Variants in ZMAT3 observed in about 807,000 individuals in gnomAD.
The protein encoded by ZMAT3 is zinc finger matrin-type 3, also known as zinc finger matrin-type protein 3.
ZMAT3 carries 17 observed loss-of-function variants against 32.3 expected under a neutral mutation model. The ratio of observed to expected loss-of-function variants is 0.53; its 90% CI spans 0.36 to 0.79. The LOEUF is 0.79. Among genes scored for constraint, ZMAT3 ranks in the 30% least tolerant of loss-of-function variants. ZMAT3 has a pLI of 0.00. For missense variants in ZMAT3, 329 were observed against 359.7 expected (o/e 0.91, Z 0.69); for synonymous variants, 120 against 133.1 (o/e 0.90, Z 0.68).
chr3:179,030,693 G>A (rs1235774284), intron 3 of ZMAT3, among the ~76,000 whole-genome samples, 187 bp downstream of exon 3: 2 of 152,124 alleles, frequency 1.3e-5, no homozygotes, highest in Non-Finnish European at 2.9e-5. Context: ...AAAGACTCAC[G>A]TAACAATAGC....
intron 2 of ZMAT3, among the ~76,000 whole-genome samples, chr3:179,056,651 C>T (rs929996070): frequency 3.9e-5 from 6 of 152,158 alleles, no homozygotes; most frequent in Non-Finnish European, 8.8e-5. Flanking sequence ...CACAGAGCCC[C>T]GGGTATGCTT....
At chr3:179,037,535 G>A (rs761345792) in intron 2 of ZMAT3, among the ~76,000 whole-genome samples, 28 of 152,138 alleles carry the variant, frequency 1.8e-4, no homozygotes, top group Admixed American at 6.5e-4. Flanking sequence ...CTGAGTGGGC[G>A]GAGTGAGCTC....
Position 179,018,779 on chromosome 3 carries a change from C to T in ZMAT3, c.*6238G>A. ...AATTTCAACAACTCATTGTACAGTA[C>T]AATCATTTTTAATTCTGCTAATTAT... On this transcript the variant is annotated 3_prime_UTR_variant, in exon 6 of 6. Transcript: ENST00000311417. 1 of 152,130 alleles carries T rather than the reference C, an allele frequency of 6.6e-6. No individual in the cohort carries two copies. Among genetic ancestry groups the T allele is most frequent in the East Asian group, 1.9e-4 (1 of 5,196 alleles). The allele number at this position is 152,130 out of a possible 1,614,324, so 9.4% of individuals were successfully genotyped here. A position where few individuals can be genotyped will look rare whatever the true frequency, so the allele number is the denominator to read the frequency against.
chr3:179,024,138 G>A lies in ZMAT3; in HGVS notation c.*879C>T, dbSNP rs1282480303. 6.6e-6 allele frequency: 1 copy of A among 152,010 alleles called. No homozygotes were observed. The highest frequency in any genetic ancestry group is 1.5e-5 in the Non-Finnish European group (1 of 68,018). The allele number at this position is 152,010 out of a possible 1,614,324, so 9.4% of individuals were successfully genotyped here. On this transcript the variant is annotated 3_prime_UTR_variant, in exon 6 of 6. Transcript: ENST00000311417. ...TTGTTAGACAAGCTGATTCAACTAGGGGGGAAAAAAGAGGAGGGAAGAAGG... is the reference window on the plus strand; with the variant it reads ...TTGTTAGACAAGCTGATTCAACTAGAGGGGAAAAAAGAGGAGGGAAGAAGG...
intron 2 of ZMAT3, 47 bp from the exon 3 acceptor site, chr3:179,031,046 G>A (rs982278896): frequency 7.1e-6 from 11 of 1,548,190 alleles, no homozygotes; most frequent in Non-Finnish European, 1.7e-6. Context: ...CTTATCTGCA[G>A]TTTCAGCAAT....
At position 179,021,417 on chromosome 3, in the gene ZMAT3, A is replaced by G. The variant is rs1194521034; in HGVS notation, c.*3600T>C. The G allele has an allele frequency of 6.6e-6, 1 of 152,228 alleles. No individual in the cohort carries two copies. The highest frequency in any genetic ancestry group is 1.5e-5 in the Non-Finnish European group (1 of 68,046). 9.4% of individuals were successfully genotyped at this position (152,228 alleles called of 1,614,324 possible). On this transcript the variant is annotated 3_prime_UTR_variant, in exon 6 of 6. Transcript: ENST00000311417. ...TACAACTTCTTACCCTCAATACCTA[A>G]GAAGAATTCTAATTGTCATCTTCTA...
At chr3:179,036,993 A>C (rs2108550393) in intron 2 of ZMAT3, among the ~76,000 whole-genome samples, 1 of 152,278 alleles carries the variant, frequency 6.6e-6, no homozygotes, top group African/African-American at 2.4e-5. Context: ...TCAACCCCAC[A>C]GATGGCAAAC....
At chr3:179,031,132 C>T (rs750885176) in intron 2 of ZMAT3, 133 bp from the exon 3 acceptor site, 3 of 693,998 alleles carry the variant, frequency 4.3e-6, no homozygotes, top group African/African-American at 1.8e-5. Context: ...ACATAATTTC[C>T]ATGACAGTAT....
intron 3 of ZMAT3, 58 bp from the exon 4 acceptor site, chr3:179,027,870 C>G: frequency 6.5e-7 from 1 of 1,530,370 alleles, no homozygotes; most frequent in African/African-American, 1.4e-5. Flanking sequence ...TTTCCTCCTT[C>G]TCCTCAAAGG....
In ZMAT3 at chr3:179,066,297, A is replaced by C. The variant is rs549579933; in HGVS notation, c.270+1186T>G. 2.0e-5 allele frequency among the ~76,000 whole-genome samples: 3 copies of C among 152,334 alleles called. No homozygotes were observed. In the South Asian group the frequency reaches 6.2e-4, roughly 32 times the overall value. On this transcript the variant is annotated intron_variant, in intron 2 of 5. Coordinates refer to ENST00000311417, the MANE Select transcript of ZMAT3 (RefSeq NM_022470.4). The stretch of plus-strand genomic sequence containing the variant: ...TGACACATGTCAAGAGCTGCGAGAT[A>C]TAATTAACTCAACTCTCTGCACCTG...
intron 2 of ZMAT3, among the ~76,000 whole-genome samples, chr3:179,037,134 C>T (rs1404120141): frequency 1.3e-5 from 2 of 152,110 alleles, no homozygotes; most frequent in East Asian, 3.9e-4. Flanking sequence ...GTACCTTATT[C>T]CTCTTATTCC....
chr3:179,027,510 GCT>G lies in ZMAT3; in HGVS notation c.569_570del (p.Glu190AlafsTer12). The G allele has an allele frequency of 6.2e-7, 1 of 1,614,182 alleles. No individual in the cohort carries two copies. The highest frequency in any genetic ancestry group is 8.5e-7 in the Non-Finnish European group (1 of 1,180,026). ...TCTTTCCTGGCCCGCCGTTGACCCA[GCT>G]CTGAGGATTCCCTGGAGAAAAGAAG... is the stretch of plus-strand genomic sequence containing the variant. The part of the protein sequence containing the change: ...AQSNSFSESS[E>X]LGQRRARKEG... On this transcript the variant is annotated frameshift_variant, in exon 5 of 6. Coordinates refer to ENST00000311417, the MANE Select transcript of ZMAT3 (RefSeq NM_022470.4). LOFTEE classifies it high-confidence loss of function.
At chr3:179,032,213 G>A (rs370932650) in intron 2 of ZMAT3, among the ~76,000 whole-genome samples, 7 of 151,594 alleles carry the variant, frequency 4.6e-5, no homozygotes, top group Non-Finnish European at 7.4e-5. Flanking sequence ...CGTGTTGGCC[G>A]GGCTGGTCTC....
chr3:179,030,644 G>A (rs941782769), intron 3 of ZMAT3, among the ~76,000 whole-genome samples: 12 of 152,078 alleles, frequency 7.9e-5, no homozygotes, highest in South Asian at 4.2e-4. Context: ...ATGAGTGACC[G>A]CACCTGGCCT....
Position 179,023,282 on chromosome 3 carries a change from C to T in ZMAT3, c.*1735G>A, listed in dbSNP as rs1480095298. On this transcript the variant is annotated 3_prime_UTR_variant, in exon 6 of 6. Coordinates refer to ENST00000311417, the MANE Select transcript of ZMAT3 (RefSeq NM_022470.4). The stretch of plus-strand genomic sequence containing the variant: ...GGTTCATACAACTTCTTATTTTAAA[C>T]GCAAAAAAACAAAAATAATAATACT... 9 of 149,338 alleles carry T rather than the reference C, an allele frequency of 6.0e-5. No individual in the cohort carries two copies. The highest frequency in any genetic ancestry group is 2.1e-4 in the South Asian group (1 of 4,758). 9.3% of individuals were successfully genotyped at this position (149,338 alleles called of 1,614,324 possible).
chr3:179,034,532 C>G (rs571456197), intron 2 of ZMAT3, among the ~76,000 whole-genome samples: 14 of 152,322 alleles, frequency 9.2e-5, no homozygotes, highest in African/African-American at 3.4e-4. Flanking sequence ...GGTTATTCTA[C>G]CCAGACCTAT....
intron 2 of ZMAT3, among the ~76,000 whole-genome samples, chr3:179,063,469 C>T (rs1721250865): frequency 6.6e-6 from 1 of 152,222 alleles, no homozygotes; most frequent in Admixed American, 6.5e-5. Context: ...TGGCCACTAA[C>T]TATTACAAAT....
Position 179,027,436 on chromosome 3 carries a change from T to C in ZMAT3, c.645A>G (p.Val215=), listed in dbSNP as rs1329584057. The C allele has an allele frequency of 6.2e-7, 1 of 1,614,130 alleles. No individual in the cohort carries two copies. Among genetic ancestry groups the C allele is most frequent in the Non-Finnish European group, 8.5e-7 (1 of 1,179,954 alleles). Residue 215 remains valine (V), a synonymous_variant, in exon 5 of 6, where the codon GTA becomes GTG. Transcript: ENST00000311417. ...MMPNRRNMYT[V]QNNSAGPYFN... is the part of the protein sequence containing the mutation. ...CAGACAAGATACCTGAATTATTCTG[T>C]ACTGTATACATATTTCTCCTGTTAG...
rs894349347 is a variant in ZMAT3, at chr3:179,021,871, A to T, written c.*3146T>A. On this transcript the variant is annotated 3_prime_UTR_variant, in exon 6 of 6. Coordinates refer to ENST00000311417, the MANE Select transcript of ZMAT3 (RefSeq NM_022470.4). ...TGTTTTCACCTATGGAACAGAGAAG[A>T]ATACTGCAAGGTAACAAGCTCAAAA... 7.2e-5 allele frequency: 11 copies of T among 152,208 alleles called. No homozygotes were observed. The highest frequency in any genetic ancestry group is 2.7e-4 in the African/African-American group (11 of 41,462). 9.4% of individuals were successfully genotyped at this position (152,208 alleles called of 1,614,324 possible). A position where few individuals can be genotyped will look rare whatever the true frequency, so the allele number is the denominator to read the frequency against.
Sources: allele counts gnomAD v4.1 joint callset (sites outside exome capture counted in the v4.1 genomes callset), GRCh38; gene constraint gnomAD v4.1.1; transcripts MANE v1.5; gene names NCBI Gene and HGNC (gene_info 2026-07-23, HGNC 2026-07-21).